The following ENOX1 variants were observed in gnomAD, a reference collection of about 807,000 sequenced individuals.
ENOX1 encodes candidate growth-related and time keeping constitutive hydroquinone (NADH) oxidase.
Under a neutral mutation model 82.5 loss-of-function variants are expected in ENOX1, and 42 were observed. That is an observed-to-expected ratio of 0.51 (90% confidence interval 0.40 to 0.66). The LOEUF is 0.66. Among genes scored for constraint, ENOX1 ranks in the 30% least tolerant of loss-of-function variants. The probability of loss-of-function intolerance (pLI) is 0.00; values close to 1 mark genes in which losing one functional copy is unlikely to be tolerated. For synonymous variants in ENOX1, 271 were observed against 282.2 expected (o/e 0.96, Z 0.40); for missense variants, 608 against 811.6 (o/e 0.75, Z 3.05).
chr13:43,416,736 C>T (rs562825791), intron 3 of ENOX1, among the ~76,000 whole-genome samples: 2 of 149,598 alleles, frequency 1.3e-5, no homozygotes, highest in African/African-American at 2.5e-5. Flanking sequence ...ACAGGGCGGC[C>T]GGGCAGAGGG....
At chr13:43,671,136 T>G (rs1277529768) in intron 1 of ENOX1, among the ~76,000 whole-genome samples, 1 of 152,136 alleles carries the variant, frequency 6.6e-6, no homozygotes, top group African/African-American at 2.4e-5. Context: ...TCTTGCATGC[T>G]CTCTCTCTCG....
intron 9 of ENOX1, among the ~76,000 whole-genome samples, chr13:43,331,353 T>C (rs774229593): frequency 3.3e-5 from 5 of 152,226 alleles, no homozygotes; most frequent in Admixed American, 6.5e-5. Context: ...GTGTCCCAAA[T>C]ATCTGGAGAA....
intron 3 of ENOX1, among the ~76,000 whole-genome samples, chr13:43,466,073 A>C (rs1228572239): frequency 6.6e-6 from 1 of 152,200 alleles, no homozygotes; most frequent in Non-Finnish European, 1.5e-5. Flanking sequence ...GTCCAGTTCC[A>C]GTTAAAGGAA....
Position 43,456,289 on chromosome 13 carries a change from C to T in ENOX1, c.-75+27720G>A, listed in dbSNP as rs139921992. ...TATATTTTATGTCAGTGGATATCCT[C>T]AAATATCTGATGGCCCTTCATTACT... is the stretch of plus-strand genomic sequence containing the variant. On this transcript the variant is annotated intron_variant, in intron 3 of 16. Coordinates refer to ENST00000690772, the MANE Select transcript of ENOX1 (RefSeq NM_001347969.2). Among the ~76,000 whole-genome samples the T allele has an allele frequency of 9.7e-3, 1,471 of 151,946 alleles. 19 individuals carry two copies. The highest frequency in any genetic ancestry group is 0.034 in the African/African-American group (1,397 of 41,468).
chr13:43,426,609 A>T (rs1160855533), intron 3 of ENOX1, among the ~76,000 whole-genome samples: 1 of 152,216 alleles, frequency 6.6e-6, no homozygotes, highest in East Asian at 1.9e-4. Flanking sequence ...GAAAAATAAC[A>T]ACTTAAGAAA....
At chr13:43,225,656 C>T (rs1325447209) in intron 15 of ENOX1, among the ~76,000 whole-genome samples, 1 of 152,084 alleles carries the variant, frequency 6.6e-6, no homozygotes, top group African/African-American at 2.4e-5. Flanking sequence ...ATTGATCTGC[C>T]ATAGGGTTTC....
chr13:43,679,398 A>G (rs1285920580), intron 1 of ENOX1, among the ~76,000 whole-genome samples: 4 of 152,304 alleles, frequency 2.6e-5, no homozygotes, highest in African/African-American at 9.6e-5. Flanking sequence ...CTCATGACAC[A>G]CACACACGTT....
chr13:43,669,274 A>G (rs1275579972), intron 1 of ENOX1, among the ~76,000 whole-genome samples: 3 of 152,204 alleles, frequency 2.0e-5, no homozygotes, highest in African/African-American at 7.2e-5. Flanking sequence ...GCTGGGAGTA[A>G]TTGAAGGCTC....
intron 8 of ENOX1, among the ~76,000 whole-genome samples, chr13:43,346,232 T>A (rs2049370911): frequency 6.6e-6 from 1 of 152,146 alleles, no homozygotes; most frequent in African/African-American, 2.4e-5. Flanking sequence ...GTGTCCTGAA[T>A]GAAGGTGGGG....
chr13:43,629,224 G>C (rs1177689270), intron 2 of ENOX1, among the ~76,000 whole-genome samples: 1 of 152,146 alleles, frequency 6.6e-6, no homozygotes, highest in Non-Finnish European at 1.5e-5. Flanking sequence ...GTAAGAGTGG[G>C]GCCACAATTA....
At chr13:43,569,677 C>A (rs962712939) in intron 2 of ENOX1, among the ~76,000 whole-genome samples, 10 of 104,188 alleles carry the variant, frequency 9.6e-5, no homozygotes, top group Non-Finnish European at 1.9e-4. Flanking sequence ...AAAAAAAAAA[C>A]TGTATTTCTC....
Position 43,556,678 on chromosome 13 carries a change from C to T in ENOX1, c.-218-72526G>A, listed in dbSNP as rs571164541. On this transcript the variant is annotated intron_variant, in intron 2 of 16. Transcript: ENST00000690772. ...TAGACACTTGAGTATCATGCTTGGGCTTGATGATAATTATATCAAAGAAAG... is the reference window on the plus strand; with the variant it reads ...TAGACACTTGAGTATCATGCTTGGGTTTGATGATAATTATATCAAAGAAAG... 1.0e-3 allele frequency among the ~76,000 whole-genome samples: 155 copies of T among 150,444 alleles called. 1 individual carries two copies. The highest frequency in any genetic ancestry group is 3.7e-3 in the African/African-American group (152 of 40,894).
At chr13:43,739,224 A>T (rs1274051401) in intron 1 of ENOX1, among the ~76,000 whole-genome samples, 1 of 152,068 alleles carries the variant, frequency 6.6e-6, no homozygotes, top group Non-Finnish European at 1.5e-5. Flanking sequence ...TCTTTCCTTC[A>T]TCGAAGGTTA....
intron 2 of ENOX1, among the ~76,000 whole-genome samples, chr13:43,640,820 AATT>A (rs2083603595): frequency 6.6e-6 from 1 of 152,004 alleles, no homozygotes; most frequent in African/African-American, 2.4e-5. Flanking sequence ...TTAAGATTTA[AATT>A]ATTTAATATG....
At chr13:43,512,646 G>A (rs1261818639) in intron 2 of ENOX1, among the ~76,000 whole-genome samples, 3 of 146,058 alleles carry the variant, frequency 2.1e-5, no homozygotes, top group Non-Finnish European at 1.5e-5. Flanking sequence ...TCCCATTTTG[G>A]AGCCAAAGAA....
chr13:43,330,703 C>T (rs188027930), intron 9 of ENOX1, among the ~76,000 whole-genome samples: 1 of 152,022 alleles, frequency 6.6e-6, no homozygotes, highest in African/African-American at 2.4e-5. Context: ...CCTAGTATAC[C>T]CAGCAGCTGT....
intron 1 of ENOX1, among the ~76,000 whole-genome samples, chr13:43,698,062 T>TATC (rs1169114488): frequency 6.6e-6 from 1 of 152,130 alleles, no homozygotes; most frequent in Non-Finnish European, 1.5e-5. Flanking sequence ...ACACTCTGTA[T>TATC]ATCAGCAGAG....
chr13:43,319,698 G>A (rs1310873956), intron 11 of ENOX1, among the ~76,000 whole-genome samples: 2 of 152,206 alleles, frequency 1.3e-5, no homozygotes, highest in South Asian at 2.1e-4. Flanking sequence ...GCACAGGCAG[G>A]TGACAACTGA....
At chr13:43,287,738 A>T (rs576777025) in intron 12 of ENOX1, among the ~76,000 whole-genome samples, 2 of 152,254 alleles carry the variant, frequency 1.3e-5, no homozygotes, top group East Asian at 3.9e-4. Flanking sequence ...TCTCATCTTC[A>T]TTTTTAGTCT....
Sources: allele counts gnomAD v4.1 joint callset (sites outside exome capture counted in the v4.1 genomes callset), GRCh38; gene constraint gnomAD v4.1.1; transcripts MANE v1.5; gene names NCBI Gene and HGNC (gene_info 2026-07-23, HGNC 2026-07-21).